Variants in PDE1A observed in about 807,000 individuals in gnomAD.
PDE1A encodes phosphodiesterase 1A.
A neutral mutation model predicts 61.7 loss-of-function variants in PDE1A; 35 were observed. The ratio of observed to expected loss-of-function variants is 0.57; its 90% CI spans 0.43 to 0.75. The LOEUF is 0.75. Among genes scored for constraint, PDE1A ranks in the 30% least tolerant of loss-of-function variants. PDE1A has a pLI of 0.00. For synonymous variants in PDE1A, 232 were observed against 213.2 expected (o/e 1.09, Z -0.77); for missense variants, 597 against 630.6 (o/e 0.95, Z 0.57).
chr2:182,508,798 T>C (rs987616469), intron 2 of PDE1A, among the ~76,000 whole-genome samples: 2 of 146,298 alleles, frequency 1.4e-5, no homozygotes, highest in Non-Finnish European at 3.0e-5. Context: ...TATTTTATTT[T>C]ATTTTATTTT....
chr2:182,426,545 C>A (rs747092355), intron 1 of PDE1A, 33 bp downstream of exon 1: 1 of 1,431,318 alleles, frequency 7.0e-7, no homozygotes, highest in South Asian at 1.1e-5. Context: ...TTCCTGACAG[C>A]CCTAGAGCCA....
At chr2:182,545,714 G>A in the PDE1A span, among the ~76,000 whole-genome samples, 1 of 152,106 alleles carries the variant, frequency 6.6e-6, no homozygotes, top group Admixed American at 6.5e-5. Context: ...AAAACTCTCT[G>A]TTCCTCTGTA....
chr2:182,581,181 T>G, the PDE1A span, among the ~76,000 whole-genome samples: 2 of 152,312 alleles, frequency 1.3e-5, no homozygotes, highest in East Asian at 3.9e-4. Flanking sequence ...CCCTGGAAGA[T>G]ACCTATTTTC....
At chr2:182,408,400 G>A (rs1433060543) in intron 1 of PDE1A, among the ~76,000 whole-genome samples, 2 of 152,152 alleles carry the variant, frequency 1.3e-5, no homozygotes, top group Non-Finnish European at 2.9e-5. Context: ...TTTCTCAAAT[G>A]TGAACAATAC....
chr2:182,212,550 T>C (rs966435078), intron 7 of PDE1A, among the ~76,000 whole-genome samples: 5 of 152,274 alleles, frequency 3.3e-5, no homozygotes, highest in Admixed American at 1.3e-4. Context: ...CACAGGTCAG[T>C]GGGTGCGCGC....
chr2:182,700,721 CAAA>C, the PDE1A span, among the ~76,000 whole-genome samples: 6 of 24,010 alleles, frequency 2.5e-4, no homozygotes, highest in South Asian at 3.0e-3. Flanking sequence ...GACTCCATCT[CAAA>C]AAAAAAAAAA....
chr2:182,509,000 C>T (rs1574828223), intron 2 of PDE1A, among the ~76,000 whole-genome samples: 1 of 149,198 alleles, frequency 6.7e-6, no homozygotes, highest in Non-Finnish European at 1.5e-5. Flanking sequence ...GTGATATTCC[C>T]CTTCCTGTGT....
chr2:182,488,629 G>C (rs1339970952), intron 2 of PDE1A, among the ~76,000 whole-genome samples: 1 of 152,132 alleles, frequency 6.6e-6, no homozygotes, highest in African/African-American at 2.4e-5. Flanking sequence ...AAAATTAACA[G>C]TTTTTGAAAA....
At chr2:182,145,716 G>C (rs536996311), downstream of PDE1A, among the ~76,000 whole-genome samples, 1 of 152,066 alleles carries the variant, frequency 6.6e-6, no homozygotes, top group African/African-American at 2.4e-5. Flanking sequence ...GCAACAGAGC[G>C]AGACTCGGTC....
chr2:182,420,314 TC>T (rs1380704911), intron 1 of PDE1A, among the ~76,000 whole-genome samples: 1 of 152,064 alleles, frequency 6.6e-6, no homozygotes, highest in Admixed American at 6.5e-5. Context: ...TCATCACATA[TC>T]CCTATTTTCA....
the PDE1A span, among the ~76,000 whole-genome samples, chr2:182,561,278 A>T: frequency 1.3e-5 from 2 of 152,196 alleles, no homozygotes; most frequent in Admixed American, 1.3e-4. Flanking sequence ...ACATATGGGT[A>T]GCCAGTCTTC....
chr2:182,465,953 A>C (rs1330339603), intron 2 of PDE1A, among the ~76,000 whole-genome samples: 1 of 152,110 alleles, frequency 6.6e-6, no homozygotes, highest in Non-Finnish European at 1.5e-5. Context: ...GTAAAAATAA[A>C]TAAAATTACA....
chr2:182,165,188 G>A (rs1691591639), downstream of PDE1A, among the ~76,000 whole-genome samples: 2 of 152,110 alleles, frequency 1.3e-5, no homozygotes, highest in African/African-American at 4.8e-5. Context: ...GGTAGAAATG[G>A]AAGTGGAACT....
At chr2:182,351,288 T>C (rs1698861841) in intron 1 of PDE1A, among the ~76,000 whole-genome samples, 1 of 152,208 alleles carries the variant, frequency 6.6e-6, no homozygotes. Flanking sequence ...TTTAAATAGA[T>C]GTAAATGTGG....
chr2:182,387,308 A>T (rs1172008751), intron 1 of PDE1A, among the ~76,000 whole-genome samples: 1 of 152,122 alleles, frequency 6.6e-6, no homozygotes, highest in Non-Finnish European at 1.5e-5. Context: ...TCTGCCTAGG[A>T]AAGCCAGAGA....
At chr2:182,504,510 T>C (rs1003913162) in intron 2 of PDE1A, among the ~76,000 whole-genome samples, 1 of 152,326 alleles carries the variant, frequency 6.6e-6, no homozygotes, top group South Asian at 2.1e-4. Flanking sequence ...TATTGCCTCA[T>C]GTAAAATAAT....
intron 2 of PDE1A, among the ~76,000 whole-genome samples, chr2:182,462,362 G>T (rs765387222): frequency 6.6e-6 from 1 of 151,058 alleles, no homozygotes; most frequent in Non-Finnish European, 1.5e-5. Context: ...TTATATATAT[G>T]TGTGTGTATA....
At chr2:182,419,848 G>C (rs1477888776) in intron 1 of PDE1A, among the ~76,000 whole-genome samples, 1 of 151,992 alleles carries the variant, frequency 6.6e-6, no homozygotes, top group African/African-American at 2.4e-5. Flanking sequence ...GGTCCCTGTA[G>C]GTATTTAAGT....
the PDE1A span, among the ~76,000 whole-genome samples, chr2:182,695,209 G>GAAAACTGAAAAATCAACAACACTTC: frequency 6.6e-6 from 1 of 152,022 alleles, no homozygotes; most frequent in Non-Finnish European, 1.5e-5. Context: ...AAAAGGCTGA[G>GAAAACTGAAAAATCAACAACACTTC]AAAACTGAAA....
Sources: gnomAD v4.1 joint callset for allele counts (sites outside exome capture counted in the v4.1 genomes callset) on GRCh38, gnomAD v4.1.1 for gene constraint, MANE v1.5 for transcripts, NCBI Gene and HGNC (gene_info 2026-07-23, HGNC 2026-07-21) for gene names.